Variants in SYT16 observed in about 807,000 individuals in gnomAD.
The protein encoded by SYT16 is synaptotagmin 16.
A neutral mutation model predicts 61.4 loss-of-function variants in SYT16; 42 were observed. That is an observed-to-expected ratio of 0.68 (90% CI 0.53 to 0.89). SYT16 has a LOEUF of 0.89. Ranked by LOEUF, SYT16 falls within the 40% of genes least tolerant of loss-of-function variation. SYT16 has a pLI of 0.00. For synonymous variants in SYT16, 314 were observed against 302.3 expected (o/e 1.04, Z -0.40); for missense variants, 804 against 807.3 (o/e 1.00, Z 0.05).
At chr14:61,990,397 A>G (rs1226069018) in intron 2 of SYT16, among the ~76,000 whole-genome samples, 1 of 152,190 alleles carries the variant, frequency 6.6e-6, no homozygotes, top group African/African-American at 2.4e-5. Flanking sequence ...GCTTGTGACT[A>G]ACCTATGAGT....
chr14:62,025,082 G>A (rs1333527577), intron 3 of SYT16, among the ~76,000 whole-genome samples: 1 of 152,046 alleles, frequency 6.6e-6, no homozygotes, highest in Non-Finnish European at 1.5e-5. Context: ...TATAAATAAA[G>A]CTGCTATAAA....
Position 62,089,173 on chromosome 14 carries a change from G to A in SYT16, c.1624+4788G>A, listed in dbSNP as rs182744816. Among the ~76,000 whole-genome samples, 108 of 152,136 alleles carry A rather than the reference G, an allele frequency of 7.1e-4. 1 individual carries two copies. Among genetic ancestry groups the A allele is most frequent in the South Asian group, 4.8e-3 (23 of 4,812 alleles). On this transcript the variant is annotated intron_variant, in intron 7 of 7. Coordinates refer to ENST00000683842, the MANE Select transcript of SYT16 (RefSeq NM_001367656.1). ...TGCCTACTAAAAATACAAAAAATTA[G>A]CCAGGCATGGTGGCAGGTGCCTGTA...
rs894709980 is a variant in SYT16, at chr14:62,052,250, A to C, written c.524-17353A>C. On this transcript the variant is annotated intron_variant, in intron 3 of 7. Coordinates refer to ENST00000683842, the MANE Select transcript of SYT16 (RefSeq NM_001367656.1). ...AAGTACCACTTTAACTATACCCCAC[A>C]AATGTATGATATGTGATGTGTTCAT... 2.0e-5 allele frequency among the ~76,000 whole-genome samples: 3 copies of C among 152,192 alleles called. No homozygotes were observed. In the East Asian group the frequency reaches 5.8e-4, roughly 29 times the overall value.
chr14:61,890,751 CTG>C (rs1402323822), intron 1 of SYT16, among the ~76,000 whole-genome samples: 4 of 152,066 alleles, frequency 2.6e-5, no homozygotes, highest in African/African-American at 9.7e-5. Flanking sequence ...AACCAAGCCT[CTG>C]GGATTGTATT....
chr14:61,920,349 C>T (rs890952802), intron 1 of SYT16, among the ~76,000 whole-genome samples: 3 of 152,110 alleles, frequency 2.0e-5, no homozygotes, highest in Non-Finnish European at 4.4e-5. Flanking sequence ...GCTTGCTGCA[C>T]CTCACCTATC....
intron 1 of SYT16, among the ~76,000 whole-genome samples, chr14:61,918,607 G>A (rs1167238005): frequency 6.6e-6 from 1 of 151,980 alleles, no homozygotes; most frequent in Non-Finnish European, 1.5e-5. Flanking sequence ...GGCAAGAAAA[G>A]CATGATGTTT....
intron 2 of SYT16, among the ~76,000 whole-genome samples, chr14:61,974,982 T>A (rs995426258): frequency 4.6e-5 from 7 of 152,262 alleles, no homozygotes; most frequent in African/African-American, 1.4e-4. Context: ...GCTTCTGACC[T>A]GCCCCAGCAG....
intron 3 of SYT16, among the ~76,000 whole-genome samples, chr14:62,048,792 T>C (rs1205470362): frequency 1.3e-5 from 2 of 152,176 alleles, no homozygotes; most frequent in Non-Finnish European, 2.9e-5. Flanking sequence ...GGGTTTTGAG[T>C]GAGTTTCTGA....
At chr14:61,892,971 A>G (rs145152841) in intron 1 of SYT16, among the ~76,000 whole-genome samples, 9 of 151,812 alleles carry the variant, frequency 5.9e-5, no homozygotes, top group African/African-American at 2.2e-4. Context: ...AGCCTTCCTC[A>G]GTGTGGTGAC....
chr14:61,888,125 CTTT>C (rs756842240), intron 1 of SYT16, among the ~76,000 whole-genome samples: 41 of 134,176 alleles, frequency 3.1e-4, no homozygotes, highest in Admixed American at 1.2e-3. Context: ...CTTTTCTTTT[CTTT>C]TTTTTTTTTT....
intron 1 of SYT16, among the ~76,000 whole-genome samples, chr14:61,888,097 TA>T (rs1319063076): frequency 2.0e-5 from 3 of 151,992 alleles, no homozygotes; most frequent in African/African-American, 7.2e-5. Context: ...ATTGTAAGGT[TA>T]TTAATTGGCC....
intron 1 of SYT16, among the ~76,000 whole-genome samples, chr14:61,961,891 A>G (rs2051130443): frequency 6.6e-6 from 1 of 152,188 alleles, no homozygotes; most frequent in Non-Finnish European, 1.5e-5. Context: ...GGTAGACTTG[A>G]TAAAGAAAAT....
At chr14:62,041,563 G>A (rs1175573512) in intron 3 of SYT16, among the ~76,000 whole-genome samples, 1 of 152,122 alleles carries the variant, frequency 6.6e-6, no homozygotes, top group Non-Finnish European at 1.5e-5. Context: ...CTGGAGTGCA[G>A]TGGCATGATC....
At chr14:61,940,805 T>C (rs572195160) in intron 1 of SYT16, among the ~76,000 whole-genome samples, 2 of 152,272 alleles carry the variant, frequency 1.3e-5, no homozygotes, top group South Asian at 2.1e-4. Context: ...CAGGCTTCCC[T>C]GGAATGCTCT....
rs570264541 is a variant in SYT16, at chr14:62,106,717, G to A, written c.*6010G>A. 6.6e-6 allele frequency: 1 copy of A among 152,134 alleles called. No individual in the cohort carries two copies. Among genetic ancestry groups the A allele is most frequent in the South Asian group, 2.1e-4 (1 of 4,822 alleles). 9.4% of individuals were successfully genotyped at this position (152,134 alleles called of 1,614,324 possible). A position where few individuals can be genotyped will look rare whatever the true frequency, so the allele number is the denominator to read the frequency against. The stretch of plus-strand genomic sequence containing the variant: ...TTTGGGGATGCCTGCAGGCTCAGGG[G>A]GAGTTTCCTCTCCTATGGTGCTTTG... On this transcript the variant is annotated 3_prime_UTR_variant, in exon 8 of 8. Coordinates refer to ENST00000683842, the MANE Select transcript of SYT16 (RefSeq NM_001367656.1).
At chr14:62,017,972 T>C (rs1475586622) in intron 3 of SYT16, among the ~76,000 whole-genome samples, 7 of 152,174 alleles carry the variant, frequency 4.6e-5, no homozygotes, top group South Asian at 4.1e-4. Context: ...GGCTTCACCT[T>C]CTCACAGTGC....
intron 3 of SYT16, among the ~76,000 whole-genome samples, chr14:62,054,302 T>G (rs921227634): frequency 7.3e-6 from 1 of 136,072 alleles, no homozygotes; most frequent in Non-Finnish European, 1.5e-5. Context: ...ATCTACAGAT[T>G]GTATGATTTT....
At chr14:61,905,953 C>T (rs2048693389) in intron 1 of SYT16, among the ~76,000 whole-genome samples, 2 of 152,078 alleles carry the variant, frequency 1.3e-5, no homozygotes. Context: ...GACGGGGTTT[C>T]ACCACGTTGG....
intron 1 of SYT16, among the ~76,000 whole-genome samples, chr14:61,832,851 TAAATC>T (rs778348956): frequency 2.6e-5 from 4 of 152,238 alleles, no homozygotes; most frequent in Non-Finnish European, 5.9e-5. Context: ...TTATTTAAAA[TAAATC>T]TATCCCTTTG....
Sources: gnomAD v4.1 joint callset for allele counts (sites outside exome capture counted in the v4.1 genomes callset) on GRCh38, gnomAD v4.1.1 for gene constraint, MANE v1.5 for transcripts, NCBI Gene and HGNC (gene_info 2026-07-23, HGNC 2026-07-21) for gene names.